The following TNRC18 variants were observed in gnomAD, a reference collection of about 807,000 sequenced individuals.
The protein encoded by TNRC18 is trinucleotide repeat containing 18.
In TNRC18, 69 loss-of-function variants were observed where a neutral mutation model predicts 226.7. The ratio of observed to expected loss-of-function variants is 0.30; its 90% CI spans 0.25 to 0.37. The LOEUF (loss-of-function observed/expected upper bound fraction) is 0.37. Ranked by LOEUF, TNRC18 falls within the 10% of genes least tolerant of loss-of-function variation. TNRC18 has a pLI of 1.00. For synonymous variants in TNRC18, 2,449 were observed against 1,927.6 expected, an observed-to-expected ratio of 1.27 and a Z score of -7.09; for missense variants, 4,754 against 4,256.6, an observed-to-expected ratio of 1.12 and a Z score of -3.25.
At chr7:5,345,523 C>CCCCCA in intron 18 of TNRC18, 39 bp downstream of exon 18, 1 of 179,160 alleles carries the variant, frequency 5.6e-6, no homozygotes, top group Non-Finnish European at 1.2e-5. Context: ...GTCCGCCCCT[C>CCCCCA]CCACCCACCC....
In TNRC18 at chr7:5,421,172, C is replaced by G; in HGVS notation, c.75G>C (p.Met25Ile). The change falls in exon 2 of 30, where the codon ATG (methionine) becomes ATC (isoleucine). Residue 25 changes from methionine to isoleucine, a missense_variant. Transcript: ENST00000430969. ...PPPPLLSGLA[M>I]DSHRVGAATA... ...TGGCCGCGCCCACGCGGTGGCTGTC[C>G]ATGGCCAGGCCGGACAGCAGCGGCG... is the stretch of plus-strand genomic sequence containing the variant. 1 of 1,405,102 alleles carries G rather than the reference C, an allele frequency of 7.1e-7. No individual in the cohort carries two copies. Among genetic ancestry groups the G allele is most frequent in the Non-Finnish European group, 9.3e-7 (1 of 1,077,034 alleles). 87.0% of individuals were successfully genotyped at this position (1,405,102 alleles called of 1,614,324 possible). A position where few individuals can be genotyped will look rare whatever the true frequency, so the allele number is the denominator to read the frequency against.
Position 5,308,036 on chromosome 7 carries a change from G to C in TNRC18, c.*70C>G, listed in dbSNP as rs1032775020. On this transcript the variant is annotated 3_prime_UTR_variant, in exon 30 of 30. Coordinates refer to ENST00000430969, the MANE Select transcript of TNRC18 (RefSeq NM_001080495.3). ...TGCACACAACGCACGTGGTCTCCGC[G>C]CCATGGCAGTGATGGAGATGGGTCC... 1.4e-6 allele frequency: 2 copies of C among 1,422,962 alleles called. No individual in the cohort carries two copies. The highest frequency in any genetic ancestry group is 1.9e-6 in the Non-Finnish European group (2 of 1,044,278). 88.1% of individuals were successfully genotyped at this position (1,422,962 alleles called of 1,614,324 possible).
intron 18 of TNRC18, among the ~76,000 whole-genome samples, chr7:5,339,494 C>T (rs989193418): frequency 1.3e-5 from 2 of 151,636 alleles, no homozygotes; most frequent in Non-Finnish European, 2.9e-5. Context: ...TCTGCCTCGG[C>T]CTCCCAAAGT....
intron 2 of TNRC18, among the ~76,000 whole-genome samples, chr7:5,418,578 C>T (rs1396998585): frequency 3.9e-5 from 6 of 152,198 alleles, no homozygotes; most frequent in Admixed American, 3.9e-4. Context: ...CAGAGCCCAA[C>T]CTTAATGTGC....
At position 5,312,594 on chromosome 7, in the gene TNRC18, C is replaced by A; in HGVS notation, c.8297G>T (p.Arg2766Leu). Residue 2766 changes from arginine (R) to leucine (L), a missense_variant, in exon 27 of 30, where the codon CGG (arginine) becomes CTG (leucine). Coordinates refer to ENST00000430969, the MANE Select transcript of TNRC18 (RefSeq NM_001080495.3). This position sits in a 1 kb window ranked among gnomAD's most constrained non-coding sequence, Gnocchi z 6.3. ...GTTCTCCACGGACGGCAGGCGCTGC[C>A]GCTTGGCCAGCTCCTTGGTGGTGGG... ...HLPTTKELAK[R>L]QRLPSVENRP... 1 of 1,610,948 alleles carries A rather than the reference C, an allele frequency of 6.2e-7. No individual in the cohort carries two copies. Among genetic ancestry groups the A allele is most frequent in the Non-Finnish European group, 8.5e-7 (1 of 1,179,362 alleles).
chr7:5,392,205 T>G (rs1476953694), intron 3 of TNRC18, among the ~76,000 whole-genome samples: 1 of 152,174 alleles, frequency 6.6e-6, no homozygotes, highest in Non-Finnish European at 1.5e-5. Flanking sequence ...GGCTCATGCC[T>G]GTAATCCCAG....
rs1263014520 is a variant in TNRC18 at position 5,312,815 on chromosome 7, G to T, written c.8076C>A (p.Gly2692=). The T allele has an allele frequency of 2.6e-6, 4 of 1,534,058 alleles. No homozygotes were observed. Among genetic ancestry groups the T allele is most frequent in the Non-Finnish European group, 2.6e-6 (3 of 1,144,082 alleles). ...TGGGGAGCGCCGCCTGCGCGGAAGG[G>T]CCAGCCGTGGGGGCGGGGGCTGCCT... ...DDEAAPAPTA[G]PSAQAALPTK... is the part of the protein sequence containing the mutation. Residue 2692 remains glycine, a synonymous_variant, in exon 27 of 30, where the codon GGC becomes GGA. Transcript: ENST00000430969. This position sits in a 1 kb window ranked among gnomAD's most constrained non-coding sequence, Gnocchi z 6.3.
chr7:5,410,270 CA>C (rs1389097303), intron 2 of TNRC18, among the ~76,000 whole-genome samples: 1 of 143,770 alleles, frequency 7.0e-6, no homozygotes, highest in Non-Finnish European at 1.5e-5. Context: ...AAGATCATGC[CA>C]CTGCCCTCCA....
At chr7:5,381,457 C>T (rs1779391020) in intron 5 of TNRC18, among the ~76,000 whole-genome samples, 1 of 152,164 alleles carries the variant, frequency 6.6e-6, no homozygotes, top group South Asian at 2.1e-4. Context: ...CTTCAAGTGC[C>T]ACTTCCTCCA....
chr7:5,396,097 G>A (rs1460161764), intron 2 of TNRC18, among the ~76,000 whole-genome samples: 7 of 150,566 alleles, frequency 4.6e-5, no homozygotes, highest in Non-Finnish European at 7.4e-5. Context: ...CTTGAAGCCC[G>A]GAGGCGGAGG....
chr7:5,325,210 C>T lies in TNRC18; in HGVS notation c.6186G>A (p.Leu2062=), dbSNP rs1196662455. The change falls in exon 20 of 30, where the codon CTG becomes CTA. Residue 2062 remains leucine, a synonymous_variant. Coordinates refer to ENST00000430969, the MANE Select transcript of TNRC18 (RefSeq NM_001080495.3). ...GCAAGGCAGGAGCTCGGGGCGGCGG[C>T]AGCCCAGCTCCTGGCCCAGCCTCTT... ...KGKEAGPGAG[L]PPPRAPALPS... 1.3e-6 allele frequency: 2 copies of T among 1,554,534 alleles called. No individual in the cohort carries two copies. Among genetic ancestry groups the T allele is most frequent in the African/African-American group, 2.7e-5 (2 of 73,598 alleles).
rs989677161 is a variant in TNRC18, at chr7:5,388,085, C to T, written c.1739G>A (p.Gly580Glu). Residue 580 changes from glycine (G) to glutamate (E), a missense_variant, in exon 5 of 30, where the codon GGA becomes GAA. Transcript: ENST00000430969. ...AAGGCTCTGCATGGCCGAGGCCTCTCCAGACCCGTGGGCCGCAGAGTGCAT... is the reference window on the plus strand; with the variant it reads ...AAGGCTCTGCATGGCCGAGGCCTCTTCAGACCCGTGGGCCGCAGAGTGCAT... ...ADMHSAAHGS[G>E]EASAMQSLIK... 2 of 1,554,834 alleles carry T rather than the reference C, an allele frequency of 1.3e-6. No homozygotes were observed. The highest frequency in any genetic ancestry group is 2.4e-5 in the East Asian group (1 of 41,304).
At chr7:5,335,295 C>G (rs71529395) in intron 18 of TNRC18, among the ~76,000 whole-genome samples, 17 of 67,854 alleles carry the variant, frequency 2.5e-4, no homozygotes, top group African/African-American at 8.5e-4. Context: ...GAGTGAGAAT[C>G]TGTCTCAAAA....
Position 5,361,604 on chromosome 7 carries a change from T to G in TNRC18, c.4651A>C (p.Ser1551Arg). 4 of 1,533,734 alleles carry G rather than the reference T, an allele frequency of 2.6e-6. No homozygotes were observed. The highest frequency in any genetic ancestry group is 3.5e-6 in the Non-Finnish European group (4 of 1,140,506). The stretch of plus-strand genomic sequence containing the variant: ...AGGGGCCAGCCTTACTTTCCGCTAC[T>G]GTGGCCGCTCTTCCCTCTCTTGCGG... ...PPRKRGKSGHSSGKLSSKSLL... is the reference protein window; with the variant it reads ...PPRKRGKSGHRSGKLSSKSLL... Residue 1551 changes from serine (S) to arginine (R), a missense_variant, in exon 14 of 30, where the codon AGT becomes CGT. Transcript: ENST00000430969.
chr7:5,322,275 G>A (rs1025402269), intron 21 of TNRC18, among the ~76,000 whole-genome samples: 39 of 91,172 alleles, frequency 4.3e-4, no homozygotes, highest in African/African-American at 1.4e-3. Flanking sequence ...GTCAGATTCC[G>A]TCTCAATAAT....
intron 2 of TNRC18, among the ~76,000 whole-genome samples, chr7:5,411,240 A>G (rs1253110507): frequency 1.3e-5 from 2 of 151,652 alleles, no homozygotes; most frequent in East Asian, 3.9e-4. Flanking sequence ...AAAAGAAAAA[A>G]GAAAAGGAAG....
chr7:5,357,593 C>CCG (rs1250624562), intron 15 of TNRC18, among the ~76,000 whole-genome samples: 2 of 152,290 alleles, frequency 1.3e-5, no homozygotes, highest in Admixed American at 1.3e-4. Flanking sequence ...TGTGACCCTC[C>CCG]CGCCTCAGCT....
intron 1 of TNRC18, among the ~76,000 whole-genome samples, chr7:5,422,381 G>A (rs1482003533): frequency 1.5e-5 from 2 of 129,480 alleles, no homozygotes; most frequent in Non-Finnish European, 3.1e-5. Context: ...CCTTTGCAAC[G>A]CGGGCCTGCC....
Position 5,384,246 on chromosome 7 carries a change from G to T in TNRC18, c.2152+3426C>A, listed in dbSNP as rs1198705475. On this transcript the variant is annotated intron_variant, in intron 5 of 29. Transcript: ENST00000430969. ...GTCTCCCAAAGTGCTGGGATTACAGGCGTGAGCCACCACGCCCAACCTATT... is the reference window on the plus strand; with the variant it reads ...GTCTCCCAAAGTGCTGGGATTACAGTCGTGAGCCACCACGCCCAACCTATT... Among the ~76,000 whole-genome samples the T allele has an allele frequency of 2.0e-5, 3 of 152,140 alleles. No homozygotes were observed. In the East Asian group the frequency reaches 5.8e-4, roughly 29 times the overall value.
Sources: allele counts gnomAD v4.1 joint callset (sites outside exome capture counted in the v4.1 genomes callset), GRCh38; gene constraint gnomAD v4.1.1; non-coding constraint Gnocchi (gnomAD v3.1); transcripts MANE v1.5; gene names NCBI Gene and HGNC (gene_info 2026-07-23, HGNC 2026-07-21).